Variants in SYNE2 observed in about 807,000 individuals in gnomAD.
SYNE2 encodes the protein spectrin repeat containing nuclear envelope protein 2, also known as nesprin-2.
In SYNE2, 431 loss-of-function variants were observed where a neutral mutation model predicts 856.3. The ratio of observed to expected loss-of-function variants is 0.50; its 90% CI spans 0.47 to 0.55. The LOEUF (loss-of-function observed/expected upper bound fraction) is 0.55. SYNE2 is among the 20% of genes least tolerant of loss of function. The pLI, the probability that SYNE2 is intolerant of heterozygous loss-of-function variation, is 0.00. For missense variants in SYNE2, 8,129 were observed against 8,023.2 expected (o/e 1.01, Z -0.50); for synonymous variants, 2,923 against 2,872.3 (o/e 1.02, Z -0.56).
At chr14:63,902,834 C>T (rs1056265523) in intron 1 of SYNE2, among the ~76,000 whole-genome samples, 10 of 152,056 alleles carry the variant, frequency 6.6e-5, no homozygotes, top group African/African-American at 2.2e-4. Context: ...GCTAGGACTA[C>T]AGGTGTATGC....
chr14:63,895,384 C>T (rs1265262066), intron 1 of SYNE2, among the ~76,000 whole-genome samples: 4 of 151,694 alleles, frequency 2.6e-5, no homozygotes, highest in South Asian at 2.1e-4. Flanking sequence ...GCTGGGATTA[C>T]AGGCGTGAGC....
chr14:64,061,889 C>T (rs1280299488), intron 49 of SYNE2, among the ~76,000 whole-genome samples: 1 of 152,294 alleles, frequency 6.6e-6, no homozygotes, highest in Admixed American at 6.5e-5. Context: ...CTCAAGTGCC[C>T]TCAAGGCAAA....
Position 63,997,063 on chromosome 14 carries a change from C to G in SYNE2, c.3057C>G (p.Leu1019=), listed in dbSNP as rs755018712. Residue 1019 remains leucine, a synonymous_variant, in exon 24 of 116, where the codon CTC becomes CTG. Coordinates refer to ENST00000555002, the MANE Select transcript of SYNE2 (RefSeq NM_182914.3). ...QKSQQEVKRL[L]KDYEQKIERL... is the part of the protein sequence containing the mutation. ...GTCAACAAGAAGTGAAGAGACTACTCAAAGATTATGAACAAAAGATAGAAA... is the reference window on the plus strand; with the variant it reads ...GTCAACAAGAAGTGAAGAGACTACTGAAAGATTATGAACAAAAGATAGAAA... 2.5e-6 allele frequency: 4 copies of G among 1,613,978 alleles called. No homozygotes were observed.
chr14:64,150,007 C>CTTTTTTTTTT (rs755126549), intron 84 of SYNE2, among the ~76,000 whole-genome samples: 1 of 94,420 alleles, frequency 1.1e-5, no homozygotes, highest in African/African-American at 4.2e-5. Context: ...TTTTTCTTTT[C>CTTTTTTTTTT]TTTTTTTTTT....
rs1421659704 is a variant in SYNE2, at chr14:64,112,955, A to G, written c.12610-386A>G. On this transcript the variant is annotated intron_variant, in intron 65 of 115. Coordinates refer to ENST00000555002, the MANE Select transcript of SYNE2 (RefSeq NM_182914.3). The stretch of plus-strand genomic sequence containing the variant: ...GTTTTTCTGTTGGAATAGAGTGTGC[A>G]GCAATGTAAGCATTGCTTAATCATG... 4.1e-6 allele frequency: 4 copies of G among 966,512 alleles called. No homozygotes were observed. The African/African-American group carries it at 7.0e-5, about 17-fold the overall frequency. The allele number at this position is 966,512 out of a possible 1,614,324, so 59.9% of individuals were successfully genotyped here.
intron 64 of SYNE2, among the ~76,000 whole-genome samples, chr14:64,105,070 A>G (rs1292255354): frequency 6.6e-6 from 1 of 152,094 alleles, no homozygotes; most frequent in Non-Finnish European, 1.5e-5. Flanking sequence ...TCAGTGGCCA[A>G]TGATGTCCAT....
intron 7 of SYNE2, among the ~76,000 whole-genome samples, chr14:63,953,541 G>GAT (rs1243440837): frequency 7.2e-4 from 107 of 149,432 alleles, no homozygotes; most frequent in African/African-American, 1.9e-3. Context: ...TAGAGAGAGA[G>GAT]AGAGATAGAT....
At chr14:63,807,819 TTATATATATATATATATA>T (rs71120288) in intron 1 of SYNE2, among the ~76,000 whole-genome samples, 653 of 25,476 alleles carry the variant, frequency 0.026, 44 homozygotes, top group African/African-American at 0.037. Flanking sequence ...TACTCCAGGC[TTATATATATATATATATA>T]TATATATATA....
chr14:64,098,024 G>A lies in SYNE2; in HGVS notation c.12184G>A (p.Ala4062Thr), dbSNP rs757302942. ...RKEDLLVDLK[A>T]TVLNLHQHLK... ...AGAAGACCTGTTGGTGGACTTGAAG[G>A]CCACCGTACTAAACCTTCACCAGCA... The change falls in exon 62 of 116, where the codon GCC (alanine) becomes ACC (threonine). Residue 4062 changes from alanine (A) to threonine (T), a missense_variant. Ala to Thr is a moderately conservative substitution (Grantham distance 58, BLOSUM62 0). This residue lies in a region of SYNE2 where 5,410 missense variants were observed against 5,284.8 expected (regional missense o/e 1.02). Transcript: ENST00000555002. 6 of 1,614,050 alleles carry A rather than the reference G, an allele frequency of 3.7e-6. No individual in the cohort carries two copies. Among genetic ancestry groups the A allele is most frequent in the South Asian group, 2.2e-5 (2 of 91,090 alleles).
intron 1 of SYNE2, among the ~76,000 whole-genome samples, chr14:63,904,108 A>G (rs754299017): frequency 5.3e-5 from 8 of 152,152 alleles, no homozygotes; most frequent in Non-Finnish European, 1.0e-4. Flanking sequence ...TTCGCTTAGG[A>G]TTATGGCCTC....
chr14:63,995,024 T>G lies in SYNE2; in HGVS notation c.2782-20T>G, dbSNP rs745930292. 6.9e-7 allele frequency: 1 copy of G among 1,452,844 alleles called. No individual in the cohort carries two copies. The highest frequency in any genetic ancestry group is 9.5e-7 in the Non-Finnish European group (1 of 1,054,368). 90.0% of individuals were successfully genotyped at this position (1,452,844 alleles called of 1,614,324 possible). ...TATTTTGTTCTCATGGTTAATATAT[T>G]CCTTTGATTTTTTTTGTAGTCTCTT... On this transcript the variant is annotated intron_variant, in intron 22 of 115. Coordinates refer to ENST00000555002, the MANE Select transcript of SYNE2 (RefSeq NM_182914.3).
intron 70 of SYNE2, 140 bp downstream of exon 70, chr14:64,122,567 T>C: frequency 8.8e-7 from 1 of 1,130,970 alleles, no homozygotes; most frequent in Non-Finnish European, 1.3e-6. Flanking sequence ...TTTCTTGATC[T>C]TGGAAACCTG....
chr14:63,793,761 G>GC (rs148890187), intron 1 of SYNE2, among the ~76,000 whole-genome samples: 45,864 of 147,854 alleles, frequency 0.31, 7,648 homozygotes, highest in African/African-American at 0.46. Flanking sequence ...ACAAAATGAG[G>GC]CCCCCCCCCA....
chr14:63,825,360 T>G (rs575930068), intron 1 of SYNE2, among the ~76,000 whole-genome samples: 5 of 151,932 alleles, frequency 3.3e-5, no homozygotes, highest in Admixed American at 2.6e-4. Flanking sequence ...ACCTATTGTA[T>G]CTACAAAAAA....
At chr14:63,835,266 C>T (rs1889810560) in intron 1 of SYNE2, among the ~76,000 whole-genome samples, 1 of 151,834 alleles carries the variant, frequency 6.6e-6, no homozygotes, top group Non-Finnish European at 1.5e-5. Flanking sequence ...GGCAGTTTCT[C>T]CCTGTTGCCC....
In SYNE2 at chr14:64,098,270, T is replaced by C. The variant is rs72720334; in HGVS notation, c.12306+124T>C. 0.02 allele frequency: 20,764 copies of C among 1,044,946 alleles called. 284 individuals are homozygous for C. Among genetic ancestry groups the C allele is most frequent in the Non-Finnish European group, 0.025 (17,074 of 692,656 alleles). The allele number at this position is 1,044,946 out of a possible 1,614,324, so 64.7% of individuals were successfully genotyped here. On this transcript the variant is annotated intron_variant, in intron 62 of 115. Coordinates refer to ENST00000555002, the MANE Select transcript of SYNE2 (RefSeq NM_182914.3). ...CCTGTAGTAAAGGAATTTTTTAAAG[T>C]GGAAATACTCAACCTGAGGTTGTTT...
intron 41 of SYNE2, among the ~76,000 whole-genome samples, chr14:64,026,018 T>G (rs2096975338): frequency 6.6e-6 from 1 of 152,158 alleles, no homozygotes. Context: ...AGAACTGAAA[T>G]CACATTCATT....
Position 64,098,817 on chromosome 14 carries a change from G to C in SYNE2, c.12377G>C (p.Ser4126Thr), listed in dbSNP as rs113360430. ...GAGGTGGAAGAAAGTTCCGTGAAGA[G>C]CGATGTAAGGGAAATGATTTTCTTG... ...EEEVEESSVK[S>T]DNGDEKAEPS... The change falls in exon 63 of 116, where the codon AGC becomes ACC. Residue 4126 changes from serine (S) to threonine (T), a missense_variant. Coordinates refer to ENST00000555002, the MANE Select transcript of SYNE2 (RefSeq NM_182914.3). The C allele has an allele frequency of 4.6e-5, 75 of 1,614,058 alleles. 2 individuals carry two copies. In the African/African-American group the frequency reaches 7.7e-4, roughly 17 times the overall value.
chr14:63,776,648 G>A (rs1298385010), intron 1 of SYNE2, among the ~76,000 whole-genome samples: 3 of 147,418 alleles, frequency 2.0e-5, no homozygotes, highest in Non-Finnish European at 3.0e-5. Context: ...TGCCCAGGCT[G>A]GAGTGCAGTG....
Sources: gnomAD v4.1 joint callset for allele counts (sites outside exome capture counted in the v4.1 genomes callset) on GRCh38, gnomAD v4.1.1 for gene constraint, gnomAD v4.1.1 regional missense constraint, MANE v1.5 for transcripts, NCBI Gene and HGNC (gene_info 2026-07-23, HGNC 2026-07-21) for gene names.